Variants in CFTR observed in about 807,000 individuals in gnomAD.
CFTR encodes cystic fibrosis transmembrane conductance regulator.
In CFTR, 181 loss-of-function variants were observed where a neutral mutation model predicts 171.6. That is an observed-to-expected ratio of 1.05 (90% confidence interval 0.93 to 1.19). The LOEUF (loss-of-function observed/expected upper bound fraction) is 1.19, where lower values mean the gene tolerates loss of function less well. Ranked by LOEUF, CFTR falls within the 50% of genes most tolerant of loss-of-function variation. CFTR has a pLI of 0.00. For missense variants in CFTR, 1,968 were observed against 1,734.7 expected, an observed-to-expected ratio of 1.13 and a Z score of -2.39; for synonymous variants, 583 against 608.0, an observed-to-expected ratio of 0.96 and a Z score of 0.60.
chr7:117,596,056 G>A (rs1352707363), intron 15 of CFTR, among the ~76,000 whole-genome samples: 2 of 152,352 alleles, frequency 1.3e-5, no homozygotes, highest in East Asian at 1.9e-4. Context: ...CTGTGCGTGA[G>A]GAGCCCTTCA....
chr7:117,511,262 G>A (rs1041508485), intron 3 of CFTR, among the ~76,000 whole-genome samples: 1 of 152,164 alleles, frequency 6.6e-6, no homozygotes, highest in South Asian at 2.1e-4. Context: ...CTTATACCTG[G>A]GGGAGGAACT....
In CFTR at chr7:117,666,811, T is replaced by C. The variant is rs193922729; in HGVS notation, c.4243-97T>C. On this transcript the variant is annotated intron_variant, in intron 26 of 26. Coordinates refer to ENST00000003084, the MANE Select transcript of CFTR (RefSeq NM_000492.4). Reference sequence around the variant, plus strand: ...TGCAAGGCTCTGGACATTGCATTCTTTGACTTTTATTTTCCTTTGAGCCTG... The same window carrying C: ...TGCAAGGCTCTGGACATTGCATTCTCTGACTTTTATTTTCCTTTGAGCCTG... The C allele has an allele frequency of 3.9e-6, 4 of 1,037,050 alleles. No individual in the cohort carries two copies. The African/African-American group carries it at 6.3e-5, about 16-fold the overall frequency. 64.2% of individuals were successfully genotyped at this position (1,037,050 alleles called of 1,614,324 possible). A position where few individuals can be genotyped will look rare whatever the true frequency, so the allele number is the denominator to read the frequency against.
At chr7:117,582,802 C>T (rs950749514) in intron 11 of CFTR, among the ~76,000 whole-genome samples, 1 of 152,158 alleles carries the variant, frequency 6.6e-6, no homozygotes, top group African/African-American at 2.4e-5. Context: ...AGCATTTTCT[C>T]CTTTTCCTCA....
chr7:117,648,107 G>A (rs1367675798), intron 23 of CFTR, among the ~76,000 whole-genome samples: 1 of 147,792 alleles, frequency 6.8e-6, no homozygotes, highest in Non-Finnish European at 1.5e-5. Flanking sequence ...ATGTGTATAT[G>A]TATGTACACA....
At chr7:117,624,476 C>A (rs904460630) in intron 21 of CFTR, among the ~76,000 whole-genome samples, 13 of 152,146 alleles carry the variant, frequency 8.5e-5, no homozygotes, top group African/African-American at 3.1e-4. Context: ...TTCCAAGCAA[C>A]CATGTTCACT....
At chr7:117,608,930 CA>C (rs1792341242) in intron 18 of CFTR, among the ~76,000 whole-genome samples, 1 of 152,148 alleles carries the variant, frequency 6.6e-6, no homozygotes, top group Non-Finnish European at 1.5e-5. Flanking sequence ...GTCCACTTAA[CA>C]TGAGATTTAC....
chr7:117,642,881 C>T (rs1792942211), intron 23 of CFTR, among the ~76,000 whole-genome samples: 1 of 152,076 alleles, frequency 6.6e-6, no homozygotes, highest in Non-Finnish European at 1.5e-5. Context: ...TTTTTTGTTC[C>T]TGCTTCAGTG....
At chr7:117,518,728 G>A (rs1167971185) in intron 3 of CFTR, among the ~76,000 whole-genome samples, 1 of 151,600 alleles carries the variant, frequency 6.6e-6, no homozygotes, top group Non-Finnish European at 1.5e-5. Context: ...ACTGCACCCA[G>A]TCCAGTCCCT....
intron 11 of CFTR, among the ~76,000 whole-genome samples, chr7:117,563,316 A>G (rs988405048): frequency 6.6e-6 from 1 of 152,154 alleles, no homozygotes; most frequent in African/African-American, 2.4e-5. Context: ...TATTTGCTAT[A>G]TCTGACTACA....
chr7:117,559,541 C>T lies in CFTR; in HGVS notation c.1470C>T (p.Phe490=), dbSNP rs1799420001. The part of the protein sequence containing the change: ...GKIKHSGRIS[F]CSQFSWIMPG... The stretch of plus-strand genomic sequence containing the variant: ...TTAAGCACAGTGGAAGAATTTCATT[C>T]TGTTCTCAGTTTTCCTGGATTATGC... Residue 490 remains phenylalanine (F), a synonymous_variant, in exon 11 of 27, where the codon TTC becomes TTT. Coordinates refer to ENST00000003084, the MANE Select transcript of CFTR (RefSeq NM_000492.4). The T allele has an allele frequency of 1.2e-6, 2 of 1,611,714 alleles. No homozygotes were observed. The highest frequency in any genetic ancestry group is 1.3e-5 in the African/African-American group (1 of 74,950).
intron 10 of CFTR, among the ~76,000 whole-genome samples, chr7:117,554,230 T>C (rs952806422): frequency 6.6e-6 from 1 of 152,070 alleles, no homozygotes; most frequent in African/African-American, 2.4e-5. Flanking sequence ...CAAGTGATGA[T>C]GGTGGCTTGA....
chr7:117,650,461 G>T lies in CFTR; in HGVS notation c.3874-2381G>T, dbSNP rs192006497. Among the ~76,000 whole-genome samples the T allele has an allele frequency of 2.6e-3, 389 of 152,100 alleles. 6 individuals are homozygous for T. Among genetic ancestry groups the T allele is most frequent in the Non-Finnish European group, 5.1e-4 (35 of 68,006 alleles). ...AAAACATGGAAGAACAAAGAGGCTGGATTCCTGTTTGTAGACATACCTTCC... is the reference window on the plus strand; with the variant it reads ...AAAACATGGAAGAACAAAGAGGCTGTATTCCTGTTTGTAGACATACCTTCC... On this transcript the variant is annotated intron_variant, in intron 23 of 26. Transcript: ENST00000003084.
chr7:117,660,674 G>A (rs763497709), intron 24 of CFTR, among the ~76,000 whole-genome samples: 1 of 151,372 alleles, frequency 6.6e-6, no homozygotes, highest in African/African-American at 2.4e-5. Flanking sequence ...ATATGTGTGT[G>A]TGTGTGTGTG....
At chr7:117,540,747 T>G (rs1799039161) in intron 8 of CFTR, among the ~76,000 whole-genome samples, 1 of 152,116 alleles carries the variant, frequency 6.6e-6, no homozygotes, top group Non-Finnish European at 1.5e-5. Flanking sequence ...AGAAAATAAG[T>G]CACTGTGACA....
At chr7:117,660,688 G>GTGTATA (rs959477527) in intron 24 of CFTR, among the ~76,000 whole-genome samples, 2 of 150,272 alleles carry the variant, frequency 1.3e-5, no homozygotes, top group Non-Finnish European at 3.0e-5. Flanking sequence ...GTGTGTGTGT[G>GTGTATA]TATATACACA....
intron 21 of CFTR, among the ~76,000 whole-genome samples, chr7:117,625,961 C>A (rs901198843): frequency 2.6e-5 from 4 of 152,108 alleles, no homozygotes; most frequent in African/African-American, 9.7e-5. Context: ...ACATGTGGAA[C>A]AATCATGACT....
intron 11 of CFTR, among the ~76,000 whole-genome samples, chr7:117,574,988 A>G (rs1392033913): frequency 6.6e-6 from 1 of 151,942 alleles, no homozygotes; most frequent in Non-Finnish European, 1.5e-5. Flanking sequence ...CATTTTATTT[A>G]TACCTTCTGT....
chr7:117,503,530 T>C (rs1798365370), intron 1 of CFTR, among the ~76,000 whole-genome samples: 2 of 152,198 alleles, frequency 1.3e-5, no homozygotes. Context: ...TTAGAAACAA[T>C]ATTTTTGAAA....
chr7:117,499,819 A>G (rs1798293446), intron 1 of CFTR, among the ~76,000 whole-genome samples: 1 of 152,022 alleles, frequency 6.6e-6, no homozygotes, highest in African/African-American at 2.4e-5. Flanking sequence ...ACAAAGGACA[A>G]TAAGAAAGAA....
Sources: allele counts gnomAD v4.1 joint callset (sites outside exome capture counted in the v4.1 genomes callset), GRCh38; gene constraint gnomAD v4.1.1; transcripts MANE v1.5; gene names NCBI Gene and HGNC (gene_info 2026-07-23, HGNC 2026-07-21).